PLEKHA2: variants seen among roughly 807,000 people sequenced by gnomAD.
PLEKHA2 encodes pleckstrin homology domain-containing family A member 2.
Under a neutral mutation model 53.2 loss-of-function variants are expected in PLEKHA2, and 28 were observed. That is an observed-to-expected ratio of 0.53 (90% CI 0.39 to 0.72). PLEKHA2 has a LOEUF of 0.72. PLEKHA2 is among the 30% of genes least tolerant of loss of function. The pLI is 0.00. For synonymous variants in PLEKHA2, 193 were observed against 196.4 expected (o/e 0.98, Z 0.14); for missense variants, 426 against 537.9 (o/e 0.79, Z 2.06).
chr8:38,907,942 A>G (rs1045273410), intron 1 of PLEKHA2, among the ~76,000 whole-genome samples: 4 of 150,916 alleles, frequency 2.7e-5, no homozygotes, highest in African/African-American at 7.3e-5. Flanking sequence ...TGCAACCTCC[A>G]CCTCCTGGGC....
At chr8:38,940,650 C>T (rs181982254) in intron 3 of PLEKHA2, among the ~76,000 whole-genome samples, 8 of 56,936 alleles carry the variant, frequency 1.4e-4, no homozygotes, top group Admixed American at 2.2e-4. Context: ...ATTGAAGGGG[C>T]GGGGGGGGGG....
At chr8:38,920,990 G>A (rs549529093) in intron 2 of PLEKHA2, among the ~76,000 whole-genome samples, 4 of 151,978 alleles carry the variant, frequency 2.6e-5, no homozygotes, top group Admixed American at 6.5e-5. Context: ...TAGTAGAGAC[G>A]GGGTTTCATC....
At chr8:38,920,991 G>A (rs759793947) in intron 2 of PLEKHA2, among the ~76,000 whole-genome samples, 3 of 151,970 alleles carry the variant, frequency 2.0e-5, no homozygotes, top group Non-Finnish European at 4.4e-5. Context: ...AGTAGAGACG[G>A]GGTTTCATCA....
chr8:38,917,852 C>T (rs1834087930), intron 1 of PLEKHA2, 55 bp from the exon 2 acceptor site: 1 of 1,558,334 alleles, frequency 6.4e-7, no homozygotes, highest in African/African-American at 1.4e-5. Flanking sequence ...CCTGCAGGTC[C>T]TGAGGCAGAG....
At chr8:38,933,241 GGGGGATC>G (rs1288731490) in intron 2 of PLEKHA2, among the ~76,000 whole-genome samples, 1 of 152,112 alleles carries the variant, frequency 6.6e-6, no homozygotes, top group Non-Finnish European at 1.5e-5. Context: ...TGCTGTGGGA[GGGGGATC>G]GGGACTCCAA....
At chr8:38,942,466 C>A (rs79745500) in intron 3 of PLEKHA2, among the ~76,000 whole-genome samples, 1 of 152,146 alleles carries the variant, frequency 6.6e-6, no homozygotes, top group East Asian at 1.9e-4. Context: ...AAAAACCCCA[C>A]AAACAAATAA....
At chr8:38,926,923 A>C (rs1834299200) in intron 2 of PLEKHA2, among the ~76,000 whole-genome samples, 1 of 152,210 alleles carries the variant, frequency 6.6e-6, no homozygotes, top group South Asian at 2.1e-4. Flanking sequence ...CTCAAAAAAA[A>C]CCAACCAACC....
chr8:38,968,546 T>C, intron 10 of PLEKHA2, 46 bp from the exon 11 acceptor site: 1 of 1,590,760 alleles, frequency 6.3e-7, no homozygotes, highest in East Asian at 2.2e-5. Flanking sequence ...GAAGCTGAAA[T>C]CATAGTGCCT....
chr8:38,952,804 C>A, intron 8 of PLEKHA2, 100 bp downstream of exon 8: 1 of 1,245,130 alleles, frequency 8.0e-7, no homozygotes, highest in Non-Finnish European at 1.1e-6. Flanking sequence ...GATGTGGGCA[C>A]ACAAAGACTT....
chr8:38,913,828 G>A (rs894494331), intron 1 of PLEKHA2, among the ~76,000 whole-genome samples: 15 of 152,268 alleles, frequency 9.9e-5, no homozygotes, highest in African/African-American at 3.1e-4. Context: ...CTTCTGTGGC[G>A]TCTGTTCCTC....
intron 4 of PLEKHA2, among the ~76,000 whole-genome samples, chr8:38,945,923 G>C (rs1834705581): frequency 6.6e-6 from 1 of 152,152 alleles, no homozygotes; most frequent in African/African-American, 2.4e-5. Flanking sequence ...GTTTTTAAAG[G>C]TGGGAAAGAG....
chr8:38,956,072 C>T (rs530259082), intron 9 of PLEKHA2, among the ~76,000 whole-genome samples: 3 of 152,342 alleles, frequency 2.0e-5, no homozygotes, highest in Admixed American at 6.5e-5. Context: ...TCCCAAAGTG[C>T]TGGGATTACA....
At chr8:38,904,069 C>G (rs1308521327) in intron 1 of PLEKHA2, among the ~76,000 whole-genome samples, 1 of 152,004 alleles carries the variant, frequency 6.6e-6, no homozygotes, top group Non-Finnish European at 1.5e-5. Flanking sequence ...TGATATGAGC[C>G]CATTATTGAG....
At chr8:38,926,343 G>T (rs1834287985) in intron 2 of PLEKHA2, among the ~76,000 whole-genome samples, 1 of 150,418 alleles carries the variant, frequency 6.6e-6, no homozygotes. Context: ...TTTACCAAAT[G>T]CAAATTTTGC....
chr8:38,963,588 T>G (rs1425602700), intron 10 of PLEKHA2, among the ~76,000 whole-genome samples: 1 of 152,174 alleles, frequency 6.6e-6, no homozygotes, highest in East Asian at 1.9e-4. Context: ...TAGGAGAGAT[T>G]ATAGGCCAGG....
chr8:38,967,212 T>C (rs940486250), intron 10 of PLEKHA2, among the ~76,000 whole-genome samples: 3 of 152,222 alleles, frequency 2.0e-5, no homozygotes, highest in Non-Finnish European at 4.4e-5. Flanking sequence ...TTAGGTTGGT[T>C]CCATGACCTT....
chr8:38,934,655 A>G (rs893185168), intron 2 of PLEKHA2, among the ~76,000 whole-genome samples: 2 of 152,162 alleles, frequency 1.3e-5, no homozygotes, highest in Non-Finnish European at 2.9e-5. Context: ...CAGTGGGGAC[A>G]TTAGAAAGCC....
chr8:38,953,157 T>C, intron 8 of PLEKHA2, 140 bp from the exon 9 acceptor site: 1 of 744,726 alleles, frequency 1.3e-6, no homozygotes, highest in Non-Finnish European at 2.3e-6. Flanking sequence ...TTTTTTCTCT[T>C]GCTGATTATT....
intron 9 of PLEKHA2, among the ~76,000 whole-genome samples, chr8:38,956,978 G>A (rs1333982792): frequency 6.6e-6 from 1 of 152,170 alleles, no homozygotes; most frequent in East Asian, 1.9e-4. Context: ...ACCTTAGAGG[G>A]AAGGAGGGAG....
Sources: gnomAD v4.1 joint callset for allele counts (sites outside exome capture counted in the v4.1 genomes callset) on GRCh38, gnomAD v4.1.1 for gene constraint, MANE v1.5 for transcripts, NCBI Gene and HGNC (gene_info 2026-07-23, HGNC 2026-07-21) for gene names.